API5: variants seen among roughly 807,000 people sequenced by gnomAD.
API5 encodes the protein apoptosis inhibitor 5.
A neutral mutation model predicts 71.9 loss-of-function variants in API5; 6 were observed. That is an observed-to-expected ratio of 0.08 (90% CI 0.05 to 0.16). The LOEUF is 0.16. API5 is among the 10% of genes least tolerant of loss of function. The probability of loss-of-function intolerance (pLI) is 1.00; values close to 1 mark genes in which losing one functional copy is unlikely to be tolerated. For missense variants in API5, 332 were observed against 612.8 expected (o/e 0.54, Z 4.84); for synonymous variants, 189 against 221.3 (o/e 0.85, Z 1.30).
chr11:43,318,861 C>G (rs749908287), intron 2 of API5, 60 bp downstream of exon 2: 11 of 1,510,806 alleles, frequency 7.3e-6, no homozygotes, highest in Non-Finnish European at 9.9e-6. Flanking sequence ...GTGGCTGATA[C>G]AATTGGAGTA....
At chr11:43,325,172 C>T (rs1376056298) in intron 6 of API5, among the ~76,000 whole-genome samples, 1 of 151,210 alleles carries the variant, frequency 6.6e-6, no homozygotes, top group Non-Finnish European at 1.5e-5. Flanking sequence ...GTACTTATAA[C>T]ATGTCTGAAC....
Position 43,335,925 on chromosome 11 carries a change from A to G in API5, c.1423A>G (p.Arg475Gly). 1 of 1,614,106 alleles carries G rather than the reference A, an allele frequency of 6.2e-7. No individual in the cohort carries two copies. The highest frequency in any genetic ancestry group is 1.3e-5 in the African/African-American group (1 of 75,066). ...CAAGAAATCTTCAGCAGGACCAAAA[A>G]GAGATGCCAGGCAGATTTATAACCC... ...PPKKSSAGPK[R>G]DARQIYNPPS... The change falls in exon 13 of 14, where the codon AGA becomes GGA. Residue 475 changes from arginine (R) to glycine (G), a missense_variant. Physicochemically the swap from Arg to Gly is moderately radical, Grantham distance 125. This residue lies in a region of API5 where 168 missense variants were observed against 343.9 expected (regional missense o/e 0.49). Transcript: ENST00000531273.
chr11:43,318,613 T>C lies in API5; in HGVS notation c.70-27T>C, dbSNP rs370431495. The C allele has an allele frequency of 5.0e-6, 8 of 1,608,542 alleles. No individual in the cohort carries two copies. The African/African-American group carries it at 1.1e-4, about 22-fold the overall frequency. On this transcript the variant is annotated intron_variant, in intron 1 of 13. Transcript: ENST00000531273. ...GCTTCCCATCCTTCAAAATCATGTG[T>C]CTTTCCTGCTTTATTTTTTATTTCA... is the stretch of plus-strand genomic sequence containing the variant.
chr11:43,320,742 AAAAG>A lies in API5; in HGVS notation c.232-71_232-68del, dbSNP rs201000845. 2.3e-3 allele frequency: 2,988 copies of A among 1,274,832 alleles called. 12 individuals are homozygous for A. The highest frequency in any genetic ancestry group is 0.022 in the African/African-American group (1,456 of 66,068). The allele number at this position is 1,274,832 out of a possible 1,614,324, so 79.0% of individuals were successfully genotyped here. Reference sequence around the variant, plus strand: ...CAATACCTTGTCTTTAAAAAAAAAAAAAAGAAAGAAAAGAAAAAGCTGTTTGTTA... The same window carrying A: ...CAATACCTTGTCTTTAAAAAAAAAAAAAAGAAAAGAAAAAGCTGTTTGTTA... On this transcript the variant is annotated intron_variant, in intron 2 of 13. Transcript: ENST00000531273.
At chr11:43,317,449 T>C (rs147440062) in intron 1 of API5, among the ~76,000 whole-genome samples, 162 of 152,258 alleles carry the variant, frequency 1.1e-3, no homozygotes, top group African/African-American at 3.6e-3. Context: ...CATGTGACAT[T>C]AGAGTCCGTC....
intron 13 of API5, among the ~76,000 whole-genome samples, chr11:43,338,470 A>T (rs1186261648): frequency 2.0e-5 from 3 of 152,082 alleles, no homozygotes; most frequent in Non-Finnish European, 4.4e-5. Context: ...TTTTTGGAAT[A>T]TAAAAATAAT....
intron 5 of API5, 24 bp downstream of exon 5, chr11:43,322,160 G>A (rs1854915630): frequency 6.4e-7 from 1 of 1,572,708 alleles, no homozygotes; most frequent in Admixed American, 1.9e-5. Flanking sequence ...TTCATTTGGT[G>A]GAAATTCTCT....
At chr11:43,321,603 G>GA (rs1436555628) in intron 4 of API5, 127 bp downstream of exon 4, 10 of 748,688 alleles carry the variant, frequency 1.3e-5, no homozygotes, top group Non-Finnish European at 1.9e-5. Context: ...TAAGTATTGT[G>GA]AAAAAAGTCT....
intron 7 of API5, among the ~76,000 whole-genome samples, chr11:43,327,445 C>T (rs1855111233): frequency 6.6e-6 from 1 of 152,196 alleles, no homozygotes; most frequent in South Asian, 2.1e-4. Flanking sequence ...ATCATTTTTG[C>T]CTTGCAATTA....
chr11:43,330,172 C>A, intron 10 of API5, 114 bp downstream of exon 10: 2 of 802,548 alleles, frequency 2.5e-6, no homozygotes, highest in South Asian at 3.5e-5. Flanking sequence ...GTCTTCATCC[C>A]AGTCCTAATG....
chr11:43,340,106 A>G lies in API5; in HGVS notation c.1493-2322A>G, dbSNP rs944325185. Reference sequence around the variant, plus strand: ...ATTTAGAAAAGTTAGAAGATACAAAATTAGTATACAAAAATCAGTAGCATT... The same window carrying G: ...ATTTAGAAAAGTTAGAAGATACAAAGTTAGTATACAAAAATCAGTAGCATT... On this transcript the variant is annotated intron_variant, in intron 13 of 13. Transcript: ENST00000531273. 2.0e-5 allele frequency: 4 copies of G among 196,226 alleles called. No homozygotes were observed. The Admixed American group carries it at 2.5e-4, about 12-fold the overall frequency. 12.2% of individuals were successfully genotyped at this position (196,226 alleles called of 1,614,324 possible). A position where few individuals can be genotyped will look rare whatever the true frequency, so the allele number is the denominator to read the frequency against.
intron 6 of API5, 98 bp downstream of exon 6, chr11:43,323,734 T>C (rs536404946): frequency 1.8e-6 from 2 of 1,115,014 alleles, no homozygotes; most frequent in African/African-American, 3.1e-5. Flanking sequence ...GTAGTGTCCC[T>C]TATCTGAAAT....
chr11:43,319,507 T>G (rs1243765800), intron 2 of API5, among the ~76,000 whole-genome samples: 1 of 152,208 alleles, frequency 6.6e-6, no homozygotes, highest in Non-Finnish European at 1.5e-5. Flanking sequence ...CATAGCTCAC[T>G]GCAGCCTTGA....
chr11:43,326,736 A>G, intron 7 of API5, 125 bp downstream of exon 7: 2 of 609,284 alleles, frequency 3.3e-6, no homozygotes, highest in Non-Finnish European at 5.9e-6. Flanking sequence ...CCAGCCAGTA[A>G]TCTCCCTAGA....
chr11:43,340,328 A>G lies in API5; in HGVS notation c.1493-2100A>G, dbSNP rs192152663. On this transcript the variant is annotated intron_variant, in intron 13 of 13. Coordinates refer to ENST00000531273, the MANE Select transcript of API5 (RefSeq NM_001142930.2). Reference sequence around the variant, plus strand: ...CACTCCGTACTCATGGATTAGAGGAATTAATATATTTTAAATGACCATGCT... The same window carrying G: ...CACTCCGTACTCATGGATTAGAGGAGTTAATATATTTTAAATGACCATGCT... 15 of 174,822 alleles carry G rather than the reference A, an allele frequency of 8.6e-5. No homozygotes were observed. In the East Asian group the frequency reaches 2.5e-3, roughly 29 times the overall value. The allele number at this position is 174,822 out of a possible 1,614,324, so 10.8% of individuals were successfully genotyped here. A position where few individuals can be genotyped will look rare whatever the true frequency, so the allele number is the denominator to read the frequency against.
intron 13 of API5, among the ~76,000 whole-genome samples, chr11:43,337,722 C>G (rs1373402272): frequency 6.6e-6 from 1 of 152,180 alleles, no homozygotes; most frequent in African/African-American, 2.4e-5. Flanking sequence ...ATGTGTCTAA[C>G]AGTACCATTC....
At chr11:43,330,208 C>A (rs1327363015) in intron 10 of API5, 150 bp downstream of exon 10, 3 of 676,188 alleles carry the variant, frequency 4.4e-6, no homozygotes, top group East Asian at 2.8e-5. Context: ...TTATTATGTT[C>A]CTATAACTTA....
intron 11 of API5, chr11:43,331,980 C>G (rs1404548515): frequency 6.6e-6 from 1 of 152,138 alleles, no homozygotes; most frequent in African/African-American, 2.4e-5. Context: ...ACCGCTGATA[C>G]AAGTCTATGT....
intron 2 of API5, among the ~76,000 whole-genome samples, chr11:43,320,464 C>T (rs1854838723): frequency 1.3e-5 from 2 of 151,954 alleles, no homozygotes; most frequent in Admixed American, 1.3e-4. Flanking sequence ...GAGTTTGCAG[C>T]TGGGCATGGT....
Sources: allele counts gnomAD v4.1 joint callset (sites outside exome capture counted in the v4.1 genomes callset), GRCh38; gene constraint gnomAD v4.1.1; regional missense constraint gnomAD v4.1.1; transcripts MANE v1.5; gene names NCBI Gene and HGNC (gene_info 2026-07-23, HGNC 2026-07-21).